Variants in GPC6 observed in about 807,000 individuals in gnomAD.
GPC6 encodes the protein glypican 6.
Under a neutral mutation model 55.2 loss-of-function variants are expected in GPC6, and 14 were observed. The ratio of observed to expected loss-of-function variants is 0.25; its 90% CI spans 0.17 to 0.40. The LOEUF (loss-of-function observed/expected upper bound fraction) is 0.40, where lower values mean the gene tolerates loss of function less well. Ranked by LOEUF, GPC6 falls within the 10% of genes least tolerant of loss-of-function variation. GPC6 has a pLI of 1.00. For synonymous variants in GPC6, 278 were observed against 259.6 expected, an observed-to-expected ratio of 1.07 and a Z score of -0.68; for missense variants, 641 against 708.5, an observed-to-expected ratio of 0.90 and a Z score of 1.08.
chr13:93,980,226 A>G (rs916987495), intron 3 of GPC6, among the ~76,000 whole-genome samples: 33 of 152,316 alleles, frequency 2.2e-4, no homozygotes, highest in South Asian at 6.2e-4. Flanking sequence ...AAGAAAATCA[A>G]TGCAAACAAG....
chr13:93,370,304 G>T (rs115408741), intron 1 of GPC6, among the ~76,000 whole-genome samples: 1 of 151,992 alleles, frequency 6.6e-6, no homozygotes, highest in Non-Finnish European at 1.5e-5. Flanking sequence ...GCCTTCTGCC[G>T]CTATTCTTTA....
At chr13:93,787,132 T>G (rs978888005) in intron 2 of GPC6, among the ~76,000 whole-genome samples, 1 of 152,350 alleles carries the variant, frequency 6.6e-6, no homozygotes, top group Admixed American at 6.5e-5. Context: ...GAAATAGTTA[T>G]AAACATGAAC....
At chr13:93,979,610 A>G (rs1032417182) in intron 3 of GPC6, among the ~76,000 whole-genome samples, 1 of 152,098 alleles carries the variant, frequency 6.6e-6, no homozygotes, top group African/African-American at 2.4e-5. Context: ...CAGCCGCTTG[A>G]TATTGACATA....
chr13:94,068,168 T>A (rs950495391), intron 4 of GPC6, among the ~76,000 whole-genome samples: 4 of 152,124 alleles, frequency 2.6e-5, no homozygotes, highest in African/African-American at 9.7e-5. Context: ...TGGGGAGGCC[T>A]TACAGTCATG....
intron 1 of GPC6, among the ~76,000 whole-genome samples, chr13:93,506,933 C>A (rs893828849): frequency 6.7e-6 from 1 of 149,004 alleles, no homozygotes; most frequent in Admixed American, 6.7e-5. Flanking sequence ...TGGCGGCGGG[C>A]GCCTGTAGTC....
chr13:93,578,331 G>A (rs1357096783), intron 2 of GPC6, among the ~76,000 whole-genome samples: 1 of 151,886 alleles, frequency 6.6e-6, no homozygotes, highest in African/African-American at 2.4e-5. Flanking sequence ...CAGTTCCTGG[G>A]CTTTTCTTTG....
chr13:93,886,101 A>G (rs972032355), intron 3 of GPC6, among the ~76,000 whole-genome samples: 1 of 152,126 alleles, frequency 6.6e-6, no homozygotes, highest in African/African-American at 2.4e-5. Flanking sequence ...TTTAAGTATA[A>G]AAATTATGGC....
intron 2 of GPC6, among the ~76,000 whole-genome samples, chr13:93,561,008 C>T (rs1875755807): frequency 6.6e-6 from 1 of 152,116 alleles, no homozygotes; most frequent in Non-Finnish European, 1.5e-5. Context: ...AATACCTTAA[C>T]CTCACATGTG....
intron 3 of GPC6, among the ~76,000 whole-genome samples, chr13:94,021,886 T>G (rs1294227159): frequency 6.6e-6 from 1 of 152,110 alleles, no homozygotes; most frequent in Non-Finnish European, 1.5e-5. Flanking sequence ...GTCTTTTCAG[T>G]AGTGGGAAAA....
At chr13:93,264,159 C>T (rs1006317786) in intron 1 of GPC6, among the ~76,000 whole-genome samples, 1 of 152,126 alleles carries the variant, frequency 6.6e-6, no homozygotes, top group Non-Finnish European at 1.5e-5. Flanking sequence ...CAGATTCCCT[C>T]AGGCATCCTT....
chr13:93,328,732 C>A (rs1879740163), intron 1 of GPC6, among the ~76,000 whole-genome samples: 1 of 151,088 alleles, frequency 6.6e-6, no homozygotes, highest in Non-Finnish European at 1.5e-5. Context: ...TTGAAATTAA[C>A]CCAATCACTA....
At chr13:94,032,004 A>G (rs1883159577) in intron 4 of GPC6, among the ~76,000 whole-genome samples, 1 of 152,186 alleles carries the variant, frequency 6.6e-6, no homozygotes, top group Non-Finnish European at 1.5e-5. Context: ...GAGATTTCTA[A>G]AAGATGTTGC....
chr13:94,068,428 T>C (rs1032693175), intron 4 of GPC6, among the ~76,000 whole-genome samples: 1 of 152,156 alleles, frequency 6.6e-6, no homozygotes, highest in Non-Finnish European at 1.5e-5. Context: ...AGCCAAACCA[T>C]ATCATTCCAC....
intron 1 of GPC6, among the ~76,000 whole-genome samples, chr13:93,335,470 T>C (rs1880013051): frequency 6.6e-6 from 1 of 152,186 alleles, no homozygotes; most frequent in African/African-American, 2.4e-5. Flanking sequence ...AAATAACTTG[T>C]AAAAGATCAC....
intron 2 of GPC6, among the ~76,000 whole-genome samples, chr13:93,590,652 G>T (rs1182422341): frequency 1.3e-5 from 2 of 152,048 alleles, no homozygotes; most frequent in East Asian, 3.8e-4. Flanking sequence ...CAAGAGATAT[G>T]CATATACAAT....
rs1278272475 is a variant in GPC6 at position 93,983,936 on chromosome 13, G to A, written c.712-43793G>A. On this transcript the variant is annotated intron_variant, in intron 3 of 8. Transcript: ENST00000377047. ...ATAAAATTTTTTCCTGAAATCACAT[G>A]CTTGTTTTTCCATAAGACAACAATT... Among the ~76,000 whole-genome samples, 7 of 152,086 alleles carry A rather than the reference G, an allele frequency of 4.6e-5. No individual in the cohort carries two copies. In the East Asian group the frequency reaches 1.2e-3, roughly 25 times the overall value.
intron 1 of GPC6, among the ~76,000 whole-genome samples, chr13:93,405,845 T>TG (rs1286801330): frequency 1.6e-4 from 24 of 152,288 alleles, no homozygotes; most frequent in Admixed American, 5.2e-4. Flanking sequence ...TGCTGGACGG[T>TG]GGGGTGGATC....
chr13:93,493,667 T>C (rs921260946), intron 1 of GPC6, among the ~76,000 whole-genome samples: 27 of 139,318 alleles, frequency 1.9e-4, no homozygotes, highest in African/African-American at 6.4e-4. Context: ...TTTAGTGCTA[T>C]AAATTTCCCT....
chr13:93,565,848 G>A (rs1876074107), intron 2 of GPC6, among the ~76,000 whole-genome samples: 1 of 151,886 alleles, frequency 6.6e-6, no homozygotes. Context: ...CTTGAACCCG[G>A]GAGGCGGAGG....
Sources: gnomAD v4.1 joint callset for allele counts (sites outside exome capture counted in the v4.1 genomes callset) on GRCh38, gnomAD v4.1.1 for gene constraint, MANE v1.5 for transcripts, NCBI Gene and HGNC (gene_info 2026-07-23, HGNC 2026-07-21) for gene names.